The following PROCR variants were observed in gnomAD, a reference collection of about 807,000 sequenced individuals.
The protein encoded by PROCR is protein C receptor, also known as endothelial protein C receptor.
A neutral mutation model predicts 24.2 loss-of-function variants in PROCR; 22 were observed. The observed-to-expected ratio is 0.91, with a 90% CI of 0.65 to 1.30. The LOEUF (loss-of-function observed/expected upper bound fraction) is 1.30. PROCR is among the 50% of genes most tolerant of loss of function. The probability of loss-of-function intolerance (pLI) is 0.00; values close to 1 mark genes in which losing one functional copy is unlikely to be tolerated. For missense variants in PROCR, 288 were observed against 307.7 expected (o/e 0.94, Z 0.48); for synonymous variants, 137 against 139.2 (o/e 0.98, Z 0.11).
At position 35,176,183 on chromosome 20, in the gene PROCR, G is replaced by A. The variant is rs778433715; in HGVS notation, c.338G>A (p.Arg113His). ...ERTLAFPLTIRCFLGCELPPE... is the reference protein window; with the variant it reads ...ERTLAFPLTIHCFLGCELPPE... Reference sequence around the variant, plus strand: ...CTATCCACAGTTCCTCTGACCATCCGCTGCTTCCTGGGCTGTGAGCTGCCT... The same window carrying A: ...CTATCCACAGTTCCTCTGACCATCCACTGCTTCCTGGGCTGTGAGCTGCCT... Residue 113 changes from arginine to histidine, a missense_variant, in exon 3 of 4, where the codon CGC becomes CAC. Coordinates refer to ENST00000216968, the MANE Select transcript of PROCR (RefSeq NM_006404.5). The A allele has an allele frequency of 1.9e-6, 3 of 1,610,968 alleles. No homozygotes were observed. Among genetic ancestry groups the A allele is most frequent in the Admixed American group, 1.7e-5 (1 of 59,900 alleles).
At position 35,177,054 on chromosome 20, in the gene PROCR, A is replaced by C. The variant is rs376425409; in HGVS notation, c.*241A>C. ...GTATGCTTTGCTGAATTAGTCTGAT[A>C]AGTGAATGTTTATCTATCTTTGTGG... On this transcript the variant is annotated 3_prime_UTR_variant, in exon 4 of 4. Transcript: ENST00000216968. 2.3e-6 allele frequency: 3 copies of C among 1,314,242 alleles called. No homozygotes were observed. The highest frequency in any genetic ancestry group is 3.6e-5 in the East Asian group (1 of 28,144). The allele number at this position is 1,314,242 out of a possible 1,614,324, so 81.4% of individuals were successfully genotyped here.
At chr20:35,192,459 T>C (rs1194572741) in intron 1 of PROCR, among the ~76,000 whole-genome samples, 2 of 152,218 alleles carry the variant, frequency 1.3e-5, no homozygotes, top group African/African-American at 4.8e-5. Context: ...CTTGGACTGC[T>C]TCTGTGTTTC....
At chr20:35,172,012 C>T (rs985512294), upstream of PROCR, 7 of 751,526 alleles carry the variant, frequency 9.3e-6, no homozygotes, top group Admixed American at 3.9e-5. Context: ...TTCCTCCTCC[C>T]ATCTCCTGGC....
Position 35,197,383 on chromosome 20 carries a change from T to C in PROCR, c.95-18510T>C, listed in dbSNP as rs540498060. On this transcript the variant is annotated intron_variant, in intron 1 of 1. Coordinates refer to the PROCR transcript ENST00000634509. ...TATAAGATGGCAAACCTATAGTTGA[T>C]AAATGTAGTATGTGTCTGGCTGCTC... 9.8e-5 allele frequency among the ~76,000 whole-genome samples: 15 copies of C among 152,320 alleles called. No homozygotes were observed. In the South Asian group the frequency reaches 1.9e-3, roughly 19 times the overall value.
intron 1 of PROCR, among the ~76,000 whole-genome samples, chr20:35,183,967 T>C (rs1423294854): frequency 6.6e-6 from 1 of 152,102 alleles, no homozygotes; most frequent in African/African-American, 2.4e-5. Context: ...ATTGTGAAAA[T>C]GACCATACTG....
chr20:35,174,698 G>T lies in PROCR; in HGVS notation c.71-4G>T. On this transcript the variant is annotated splice_region_variant and splice_polypyrimidine_tract_variant and intron_variant, in intron 1 of 3. Transcript: ENST00000216968. Reference sequence around the variant, plus strand: ...GCCCAGGCTGAAGCTGACTCTGCCCGCAGGCCTCCAAAGACTTCATATGCT... The same window carrying T: ...GCCCAGGCTGAAGCTGACTCTGCCCTCAGGCCTCCAAAGACTTCATATGCT... 1 of 1,613,806 alleles carries T rather than the reference G, an allele frequency of 6.2e-7. No individual in the cohort carries two copies. The highest frequency in any genetic ancestry group is 8.5e-7 in the Non-Finnish European group (1 of 1,179,976).
At chr20:35,178,507 G>GTTTTGTTTTTT (rs1272557859), downstream of PROCR, among the ~76,000 whole-genome samples, 13 of 34,374 alleles carry the variant, frequency 3.8e-4, 4 homozygotes, top group South Asian at 3.4e-3. Context: ...TCAAGTCTCA[G>GTTTTGTTTTTT]TTTTTTTTTT....
At chr20:35,178,092 A>C, downstream of PROCR, among the ~76,000 whole-genome samples, 1 of 151,910 alleles carries the variant, frequency 6.6e-6, no homozygotes, top group East Asian at 1.9e-4. Flanking sequence ...GAAGCAATAT[A>C]ATTTTATCTT....
At position 35,172,097 on chromosome 20, in the gene PROCR, C is replaced by T. The variant is rs2085956158; in HGVS notation, c.-58C>T. 1 of 1,551,758 alleles carries T rather than the reference C, an allele frequency of 6.4e-7. No individual in the cohort carries two copies. ...ACTTCTCTTTTCCCTAGACTGCAGC[C>T]AGCGGAGCCCGCAGCCGGCCCGAGC... On this transcript the variant is annotated 5_prime_UTR_variant, in exon 1 of 4. Transcript: ENST00000216968.
At chr20:35,200,957 A>G (rs1600750657) in intron 1 of PROCR, among the ~76,000 whole-genome samples, 1 of 152,034 alleles carries the variant, frequency 6.6e-6, no homozygotes, top group East Asian at 1.9e-4. Context: ...CTTAAACATA[A>G]CTTATATATG....
chr20:35,205,400 T>TA (rs1555791693), intron 1 of PROCR, among the ~76,000 whole-genome samples: 26,748 of 128,756 alleles, frequency 0.21, 3,151 homozygotes, highest in African/African-American at 0.35. Context: ...CCATTCATGA[T>TA]AAAAAAAAAA....
chr20:35,173,842 T>C (rs1041904139), intron 1 of PROCR, among the ~76,000 whole-genome samples: 1 of 152,106 alleles, frequency 6.6e-6, no homozygotes, highest in Non-Finnish European at 1.5e-5. Flanking sequence ...GAATCCCAAC[T>C]AGTTTGATAT....
chr20:35,204,881 A>C (rs1165729364), intron 1 of PROCR, among the ~76,000 whole-genome samples: 1 of 152,150 alleles, frequency 6.6e-6, no homozygotes, highest in Non-Finnish European at 1.5e-5. Flanking sequence ...ACAAACTACA[A>C]ACTATTAGCA....
In PROCR at chr20:35,183,669, T is replaced by C. The variant is rs186460345; in HGVS notation, c.94+7223T>C. 2.0e-5 allele frequency among the ~76,000 whole-genome samples: 3 copies of C among 152,326 alleles called. No individual in the cohort carries two copies. In the East Asian group the frequency reaches 5.8e-4, roughly 29 times the overall value. Reference sequence around the variant, plus strand: ...TCTAGGATTTATGCTTTCTCTCCTCTACTAAAACTGCAGGAATCAGAGGAA... The same window carrying C: ...TCTAGGATTTATGCTTTCTCTCCTCCACTAAAACTGCAGGAATCAGAGGAA... On this transcript the variant is annotated intron_variant, in intron 1 of 1. Coordinates refer to the PROCR transcript ENST00000634509.
At chr20:35,179,993 C>G (rs374528789), downstream of PROCR, among the ~76,000 whole-genome samples, 2 of 152,098 alleles carry the variant, frequency 1.3e-5, no homozygotes, top group Non-Finnish European at 2.9e-5. Flanking sequence ...CGCTTGTAAT[C>G]GCAGCACTTT....
intron 1 of PROCR, among the ~76,000 whole-genome samples, chr20:35,214,751 T>A (rs936861274): frequency 5.3e-5 from 8 of 151,388 alleles, no homozygotes; most frequent in Non-Finnish European, 8.8e-5. Flanking sequence ...TTGGTTTGAA[T>A]ATGCTTTTAA....
At chr20:35,193,237 G>A (rs2086189043) in intron 1 of PROCR, among the ~76,000 whole-genome samples, 2 of 150,918 alleles carry the variant, frequency 1.3e-5, no homozygotes, top group East Asian at 1.9e-4. Flanking sequence ...GTGTAGTGGC[G>A]CAATCTCGGC....
At chr20:35,191,896 C>T (rs951965831) in intron 1 of PROCR, among the ~76,000 whole-genome samples, 3 of 152,082 alleles carry the variant, frequency 2.0e-5, no homozygotes, top group Non-Finnish European at 2.9e-5. Context: ...ACTATGGCTA[C>T]CATGGGGGGA....
At chr20:35,203,763 T>C (rs1256304961) in intron 1 of PROCR, among the ~76,000 whole-genome samples, 1 of 151,814 alleles carries the variant, frequency 6.6e-6, no homozygotes, top group East Asian at 1.9e-4. Context: ...ACAAAACATA[T>C]CAAAATTTAT....
Sources: allele counts gnomAD v4.1 joint callset (sites outside exome capture counted in the v4.1 genomes callset), GRCh38; gene constraint gnomAD v4.1.1; transcripts MANE v1.5; gene names NCBI Gene and HGNC (gene_info 2026-07-23, HGNC 2026-07-21).